The following AUTS2 variants were observed in gnomAD, a reference collection of about 807,000 sequenced individuals.
AUTS2 encodes the protein autism susceptibility gene 2 protein.
In AUTS2, 17 loss-of-function variants were observed where a neutral mutation model predicts 112.4. The ratio of observed to expected loss-of-function variants is 0.15; its 90% CI spans 0.10 to 0.23. The LOEUF (loss-of-function observed/expected upper bound fraction) is 0.23. Ranked by LOEUF, AUTS2 falls within the 10% of genes least tolerant of loss-of-function variation. The pLI is 1.00. For missense variants in AUTS2, 1,510 were observed against 1,701.6 expected, an observed-to-expected ratio of 0.89 and a Z score of 1.98; for synonymous variants, 751 against 702.7, an observed-to-expected ratio of 1.07 and a Z score of -1.09.
chr7:69,691,504 C>T (rs575633039), intron 1 of AUTS2, among the ~76,000 whole-genome samples: 2 of 152,276 alleles, frequency 1.3e-5, no homozygotes, highest in East Asian at 1.9e-4. Context: ...GGTGTGTCAA[C>T]ATCACCTGAG....
chr7:70,707,901 C>CA (rs532535743), intron 6 of AUTS2, among the ~76,000 whole-genome samples: 75 of 152,258 alleles, frequency 4.9e-4, no homozygotes, highest in African/African-American at 1.8e-3. Flanking sequence ...GCACAAGGCC[C>CA]AAATCTGTGC....
At chr7:70,349,202 A>G (rs1221626613) in intron 4 of AUTS2, among the ~76,000 whole-genome samples, 2 of 152,122 alleles carry the variant, frequency 1.3e-5, no homozygotes, top group Non-Finnish European at 2.9e-5. Context: ...CTGCTCACAG[A>G]CACTCCTCTT....
At chr7:70,653,129 C>T (rs757548817) in intron 5 of AUTS2, among the ~76,000 whole-genome samples, 10 of 152,126 alleles carry the variant, frequency 6.6e-5, no homozygotes, top group Non-Finnish European at 1.3e-4. Context: ...GTGGTACACA[C>T]CTGCAGTCCT....
At chr7:69,863,667 TAGA>T (rs1301532253) in intron 1 of AUTS2, among the ~76,000 whole-genome samples, 1 of 152,238 alleles carries the variant, frequency 6.6e-6, no homozygotes, top group Non-Finnish European at 1.5e-5. Context: ...GTGTATGACT[TAGA>T]AGAAGTCTAG....
At chr7:69,701,777 A>G (rs1797822374) in intron 1 of AUTS2, among the ~76,000 whole-genome samples, 1 of 152,236 alleles carries the variant, frequency 6.6e-6, no homozygotes, top group Non-Finnish European at 1.5e-5. Flanking sequence ...CCAGTTTACG[A>G]CTGAAGAGAT....
chr7:70,303,187 T>A (rs1045238614), intron 4 of AUTS2, among the ~76,000 whole-genome samples: 2 of 152,088 alleles, frequency 1.3e-5, no homozygotes, highest in Non-Finnish European at 2.9e-5. Flanking sequence ...ATATGCTCTG[T>A]TGCGCAGGAA....
chr7:70,117,136 TG>T (rs1554316114), intron 2 of AUTS2, among the ~76,000 whole-genome samples: 3,397 of 92,826 alleles, frequency 0.037, 184 homozygotes, highest in African/African-American at 0.045. Flanking sequence ...TGTTTTTTTT[TG>T]TTTTTTTTTT....
At chr7:69,657,672 A>G (rs1468155053) in intron 1 of AUTS2, among the ~76,000 whole-genome samples, 1 of 152,180 alleles carries the variant, frequency 6.6e-6, no homozygotes, top group Non-Finnish European at 1.5e-5. Flanking sequence ...TTTGTTTATA[A>G]AGGTAACTTC....
At chr7:69,607,216 T>C (rs1792778649) in intron 1 of AUTS2, among the ~76,000 whole-genome samples, 1 of 152,182 alleles carries the variant, frequency 6.6e-6, no homozygotes, top group African/African-American at 2.4e-5. Context: ...TGAAATCATA[T>C]GAATTGGTGC....
intron 4 of AUTS2, among the ~76,000 whole-genome samples, chr7:70,213,337 G>A (rs898141477): frequency 2.0e-5 from 3 of 147,868 alleles, no homozygotes; most frequent in Non-Finnish European, 4.5e-5. Context: ...GACCAGCCTG[G>A]TTAACGATAC....
Position 70,791,568 on chromosome 7 carries a change from A to G in AUTS2, c.*572A>G, listed in dbSNP as rs1004602280. On this transcript the variant is annotated 3_prime_UTR_variant, in exon 19 of 19. Transcript: ENST00000342771. ...CAGTCGGCTAAAGCTGTGTTCCCATATATTGTTATAGACAGCTAAACCCTT... is the reference window on the plus strand; with the variant it reads ...CAGTCGGCTAAAGCTGTGTTCCCATGTATTGTTATAGACAGCTAAACCCTT... 6.5e-6 allele frequency: 1 copy of G among 152,694 alleles called. No homozygotes were observed. Among genetic ancestry groups the G allele is most frequent in the South Asian group, 2.1e-4 (1 of 4,828 alleles). The allele number at this position is 152,694 out of a possible 1,614,324, so 9.5% of individuals were successfully genotyped here. A position where few individuals can be genotyped will look rare whatever the true frequency, so the allele number is the denominator to read the frequency against.
intron 4 of AUTS2, among the ~76,000 whole-genome samples, chr7:70,209,659 GGT>G (rs1468625311): frequency 6.6e-6 from 1 of 152,180 alleles, no homozygotes; most frequent in East Asian, 1.9e-4. Context: ...AAGAGAAAAA[GGT>G]GTTTCATAAA....
At chr7:69,744,073 G>C (rs1013191750) in intron 1 of AUTS2, among the ~76,000 whole-genome samples, 1 of 152,098 alleles carries the variant, frequency 6.6e-6, no homozygotes, top group African/African-American at 2.4e-5. Context: ...TGGGATTATA[G>C]GCATGAACCA....
chr7:70,306,023 T>G (rs1789478327), intron 4 of AUTS2, among the ~76,000 whole-genome samples: 1 of 151,742 alleles, frequency 6.6e-6, no homozygotes, highest in African/African-American at 2.4e-5. Context: ...GATGTCAAAG[T>G]CAAAATAAAA....
intron 1 of AUTS2, among the ~76,000 whole-genome samples, chr7:69,758,503 A>G (rs55666499): frequency 0.034 from 5,230 of 152,296 alleles, 130 homozygotes; most frequent in Middle Eastern, 0.082. Context: ...CTCTTTCGTC[A>G]CTGTGTTTCG....
intron 4 of AUTS2, among the ~76,000 whole-genome samples, chr7:70,296,419 AAAGT>A (rs1788936812): frequency 6.6e-6 from 1 of 152,360 alleles, no homozygotes; most frequent in East Asian, 1.9e-4. Flanking sequence ...GAAGAAAACT[AAAGT>A]AACAACCATT....
At chr7:70,747,559 A>T (rs1335085054) in intron 6 of AUTS2, among the ~76,000 whole-genome samples, 1 of 151,462 alleles carries the variant, frequency 6.6e-6, no homozygotes, top group Non-Finnish European at 1.5e-5. Flanking sequence ...CCCAGGTACA[A>T]GTGATTTTGC....
At chr7:70,623,270 T>A (rs1472136533) in intron 5 of AUTS2, among the ~76,000 whole-genome samples, 1 of 152,030 alleles carries the variant, frequency 6.6e-6, no homozygotes, top group African/African-American at 2.4e-5. Context: ...CTGACAGGAG[T>A]TTCCTGGATT....
chr7:70,482,115 T>C (rs1797812387), intron 5 of AUTS2, among the ~76,000 whole-genome samples: 1 of 152,162 alleles, frequency 6.6e-6, no homozygotes, highest in African/African-American at 2.4e-5. Flanking sequence ...TTGATTTCTT[T>C]GAAGATAAAT....
Sources: gnomAD v4.1 joint callset for allele counts (sites outside exome capture counted in the v4.1 genomes callset) on GRCh38, gnomAD v4.1.1 for gene constraint, MANE v1.5 for transcripts, NCBI Gene and HGNC (gene_info 2026-07-23, HGNC 2026-07-21) for gene names.